ELP4: variants seen among roughly 807,000 people sequenced by gnomAD.
ELP4 encodes the protein elongator complex protein 4.
In ELP4, 51 loss-of-function variants were observed where a neutral mutation model predicts 48.9. The observed-to-expected ratio is 1.04, with a 90% CI of 0.83 to 1.32. ELP4 has a LOEUF of 1.32. Among genes scored for constraint, ELP4 ranks in the 40% most tolerant of loss-of-function variants. The probability of loss-of-function intolerance (pLI) is 0.00; values close to 1 mark genes in which losing one functional copy is unlikely to be tolerated. For synonymous variants in ELP4, 210 were observed against 189.2 expected, an observed-to-expected ratio of 1.11 and a Z score of -0.90; for missense variants, 519 against 514.6, an observed-to-expected ratio of 1.01 and a Z score of -0.08.
rs1223268808 is a variant in ELP4 at position 31,785,178 on chromosome 11, G to A, written c.*1654G>A. The A allele has an allele frequency of 5.5e-6, 1 of 183,460 alleles. No individual in the cohort carries two copies. The highest frequency in any genetic ancestry group is 2.4e-5 in the African/African-American group (1 of 42,530). 11.4% of individuals were successfully genotyped at this position (183,460 alleles called of 1,614,324 possible). ...CATAGATAATAAATAATGTTGTGCGGATACTCCACAAAAGCTCTGCTATGT... is the reference window on the plus strand; with the variant it reads ...CATAGATAATAAATAATGTTGTGCGAATACTCCACAAAAGCTCTGCTATGT... On this transcript the variant is annotated 3_prime_UTR_variant, in exon 10 of 10. Coordinates refer to ENST00000640961, the MANE Select transcript of ELP4 (RefSeq NM_019040.5).
intron 9 of ELP4, among the ~76,000 whole-genome samples, chr11:31,778,779 C>T (rs1329951475): frequency 1.3e-5 from 2 of 152,188 alleles, no homozygotes; most frequent in African/African-American, 4.8e-5. Flanking sequence ...CAAGTCCTGG[C>T]CACCTCTGTT....
chr11:31,533,593 T>TTGG, intron 2 of ELP4, among the ~76,000 whole-genome samples: 1 of 151,492 alleles, frequency 6.6e-6, no homozygotes, highest in Non-Finnish European at 1.5e-5. Context: ...TTTCACCGTG[T>TTGG]TAGCCAGGAT....
intron 2 of ELP4, among the ~76,000 whole-genome samples, chr11:31,535,644 C>T (rs997247171): frequency 6.6e-6 from 1 of 152,196 alleles, no homozygotes; most frequent in Non-Finnish European, 1.5e-5. Context: ...CTGTGCCAAG[C>T]ACATTTACTT....
At chr11:31,742,323 C>T (rs949110360) in intron 9 of ELP4, among the ~76,000 whole-genome samples, 2 of 152,176 alleles carry the variant, frequency 1.3e-5, no homozygotes, top group African/African-American at 4.8e-5. Context: ...AAACACTCTG[C>T]AGGATATTAT....
intron 3 of ELP4, among the ~76,000 whole-genome samples, chr11:31,591,279 G>C (rs756703457): frequency 1.3e-5 from 2 of 151,640 alleles, no homozygotes; most frequent in Non-Finnish European, 2.9e-5. Context: ...GGTGGTGGGT[G>C]CCTGTAGTCC....
intron 9 of ELP4, among the ~76,000 whole-genome samples, chr11:31,764,311 G>A (rs1282588758): frequency 6.6e-6 from 1 of 152,116 alleles, no homozygotes. Flanking sequence ...GAAAGTCTCT[G>A]CCGACCAGTA....
In ELP4 at chr11:31,617,941, G is replaced by A. The variant is rs138058230; in HGVS notation, c.654-9169G>A. Among the ~76,000 whole-genome samples the A allele has an allele frequency of 4.4e-3, 665 of 152,068 alleles. 5 individuals are homozygous for A. The highest frequency in any genetic ancestry group is 0.015 in the African/African-American group (627 of 41,520). On this transcript the variant is annotated intron_variant, in intron 5 of 9. Transcript: ENST00000640961. ...TCTCAAAAAGTTAAAGTTACCATTT[G>A]ACCCAGAAATTCTACTCCTAGGTAT...
intron 9 of ELP4, among the ~76,000 whole-genome samples, chr11:31,765,643 TATAA>T (rs1281597426): frequency 6.6e-6 from 1 of 152,106 alleles, no homozygotes; most frequent in Non-Finnish European, 1.5e-5. Context: ...CTTCCTATCA[TATAA>T]ATAAATAGAG....
Position 31,629,258 on chromosome 11 carries a change from C to T in ELP4, c.738+2064C>T, listed in dbSNP as rs1165717789. Among the ~76,000 whole-genome samples, 3 of 151,784 alleles carry T rather than the reference C, an allele frequency of 2.0e-5. No homozygotes were observed. The South Asian group carries it at 6.3e-4, about 32-fold the overall frequency. ...CCAGATTAAATATTTTGGATGTTCT[C>T]GTAGGAATAAAACTATTTATTGTAC... On this transcript the variant is annotated intron_variant, in intron 6 of 9. Coordinates refer to ENST00000640961, the MANE Select transcript of ELP4 (RefSeq NM_019040.5).
At chr11:31,706,343 C>T (rs1946631312) in intron 9 of ELP4, among the ~76,000 whole-genome samples, 1 of 151,466 alleles carries the variant, frequency 6.6e-6, no homozygotes. Flanking sequence ...AGTACTAGAA[C>T]TTAAGGCCAG....
At chr11:31,651,823 A>G (rs977865501) in intron 9 of ELP4, 2 of 151,738 alleles carry the variant, frequency 1.3e-5, no homozygotes, top group Admixed American at 6.6e-5. Context: ...GAAAGTAAAT[A>G]TTGTACCCAG....
intron 2 of ELP4, among the ~76,000 whole-genome samples, chr11:31,527,676 A>G (rs1013290797): frequency 7.2e-5 from 11 of 152,090 alleles, no homozygotes; most frequent in Non-Finnish European, 1.5e-4. Context: ...GCCATAATCA[A>G]TAACCTCACT....
intron 9 of ELP4, among the ~76,000 whole-genome samples, chr11:31,706,588 TATTTA>T (rs893992333): frequency 2.4e-4 from 35 of 148,076 alleles, no homozygotes; most frequent in Middle Eastern, 3.6e-3. Flanking sequence ...ATTAATGATA[TATTTA>T]ATTTAATTAA....
At chr11:31,693,565 T>TG (rs1946328247) in intron 9 of ELP4, among the ~76,000 whole-genome samples, 1 of 152,260 alleles carries the variant, frequency 6.6e-6, no homozygotes, top group Non-Finnish European at 1.5e-5. Flanking sequence ...CTATCATTGA[T>TG]GGACATTTGG....
At chr11:31,687,925 T>A (rs958853238) in intron 9 of ELP4, among the ~76,000 whole-genome samples, 2 of 152,200 alleles carry the variant, frequency 1.3e-5, no homozygotes, top group South Asian at 2.1e-4. Flanking sequence ...TTTCCATGAA[T>A]GCACAGGATT....
intron 5 of ELP4, among the ~76,000 whole-genome samples, chr11:31,623,822 G>A (rs1944680168): frequency 6.7e-6 from 1 of 149,928 alleles, no homozygotes; most frequent in South Asian, 2.1e-4. Flanking sequence ...CTAATAAAAG[G>A]GTTCATATTC....
chr11:31,631,248 T>C (rs1944855135), intron 6 of ELP4, among the ~76,000 whole-genome samples: 1 of 152,140 alleles, frequency 6.6e-6, no homozygotes, highest in South Asian at 2.1e-4. Flanking sequence ...ATTTTATCAG[T>C]GGTATTTTAT....
chr11:31,720,932 A>G (rs1946946533), intron 9 of ELP4, among the ~76,000 whole-genome samples: 1 of 152,222 alleles, frequency 6.6e-6, no homozygotes, highest in Non-Finnish European at 1.5e-5. Context: ...GTTTGTGATC[A>G]TGGTACAGAA....
At chr11:31,563,029 A>G (rs1957046814) in intron 3 of ELP4, among the ~76,000 whole-genome samples, 1 of 152,150 alleles carries the variant, frequency 6.6e-6, no homozygotes, top group East Asian at 1.9e-4. Flanking sequence ...TCCAACTTTC[A>G]GAAAATAAAA....
Sources: allele counts gnomAD v4.1 joint callset (sites outside exome capture counted in the v4.1 genomes callset), GRCh38; gene constraint gnomAD v4.1.1; transcripts MANE v1.5; gene names NCBI Gene and HGNC (gene_info 2026-07-23, HGNC 2026-07-21).